The following SEPTIN8 variants were observed in gnomAD, a reference collection of about 807,000 sequenced individuals.
SEPTIN8 encodes septin 8.
Under a neutral mutation model 53.1 loss-of-function variants are expected in SEPTIN8, and 22 were observed. The observed-to-expected ratio is 0.41, with a 90% confidence interval of 0.30 to 0.59. The LOEUF is 0.59. SEPTIN8 is among the 20% of genes least tolerant of loss of function. The pLI is 0.24. For synonymous variants in SEPTIN8, 228 were observed against 248.4 expected, an observed-to-expected ratio of 0.92 and a Z score of 0.77; for missense variants, 536 against 638.7, an observed-to-expected ratio of 0.84 and a Z score of 1.73.
At chr5:132,752,348 C>T (rs1754920881) in intron 9 of SEPTIN8, 167 bp from the exon 10 acceptor site, 5 of 887,600 alleles carry the variant, frequency 5.6e-6, no homozygotes, top group Non-Finnish European at 8.4e-6. Flanking sequence ...CTAGGCTTTC[C>T]ACACTTGGTC....
At chr5:132,754,772 T>C (rs201322475) in intron 9 of SEPTIN8, among the ~76,000 whole-genome samples, 2 of 152,150 alleles carry the variant, frequency 1.3e-5, no homozygotes, top group East Asian at 1.9e-4. Flanking sequence ...AACTCAGAGA[T>C]TGGGAAACAT....
At position 132,764,376 on chromosome 5, in the gene SEPTIN8, G is replaced by C. The variant is rs750406293; in HGVS notation, c.195C>G (p.Phe65Leu). ...IGKSTLMNTLFNTTFETEEAS... is the reference protein window; with the variant it reads ...IGKSTLMNTLLNTTFETEEAS... Reference sequence around the variant, plus strand: ...CTTCCTCAGTCTCGAAGGTCGTGTTGAAGAGTGTGTTCATCAGTGTGGATT... The same window carrying C: ...CTTCCTCAGTCTCGAAGGTCGTGTTCAAGAGTGTGTTCATCAGTGTGGATT... The change falls in exon 3 of 10, where the codon TTC (phenylalanine) becomes TTG (leucine). Residue 65 changes from phenylalanine (F) to leucine (L), a missense_variant. This residue lies in a region of SEPTIN8 where 395 missense variants were observed against 451.8 expected (regional missense o/e 0.87). Transcript: ENST00000378719. The C allele has an allele frequency of 6.2e-7, 1 of 1,614,160 alleles. No individual in the cohort carries two copies. The highest frequency in any genetic ancestry group is 8.5e-7 in the Non-Finnish European group (1 of 1,180,002).
At chr5:132,777,398 G>A (rs1229838455), upstream of SEPTIN8, 1 of 1,010,476 alleles carries the variant, frequency 9.9e-7, no homozygotes, top group Non-Finnish European at 1.2e-6. The surrounding 1 kb of genome is among the most constrained non-coding windows in gnomAD (Gnocchi z 4.1). Context: ...GGGTCTCCGC[G>A]GCGAGGCGGG....
intron 2 of SEPTIN8, among the ~76,000 whole-genome samples, chr5:132,764,648 G>A (rs749491174): frequency 8.5e-5 from 13 of 152,352 alleles, no homozygotes; most frequent in South Asian, 6.2e-4. Context: ...AACTTGGACA[G>A]AAGACATAGC....
In SEPTIN8 at chr5:132,751,005, A is replaced by C; in HGVS notation, c.*1011T>G. 6.2e-7 allele frequency: 1 copy of C among 1,612,248 alleles called. No individual in the cohort carries two copies. The highest frequency in any genetic ancestry group is 1.1e-5 in the South Asian group (1 of 90,460). ...CTGGACTTCTTGACTATAGTGAGTA[A>C]GGAGGTGTTTACAGAGTCTACCCTA... On this transcript the variant is annotated 3_prime_UTR_variant, in exon 10 of 10. Transcript: ENST00000378719.
chr5:132,760,912 C>T lies in SEPTIN8; in HGVS notation c.1176G>A (p.Glu392=), dbSNP rs1734598699. Residue 392 remains glutamate (E), a synonymous_variant, in exon 9 of 10, where the codon GAG becomes GAA. Transcript: ENST00000378719. The surrounding 1 kb of genome is among the most constrained non-coding windows in gnomAD (Gnocchi z 5.2). ...RKVEEKRREL[E]EETNAFNRRK... ...GGCGATTGAAGGCGTTGGTCTCCTC[C>T]TCCAGTTCCCGGCGCTTTTCCTCCA... 2.5e-6 allele frequency: 4 copies of T among 1,608,362 alleles called. No homozygotes were observed. Among genetic ancestry groups the T allele is most frequent in the Non-Finnish European group, 3.4e-6 (4 of 1,178,190 alleles).
rs1755769493 is a variant in SEPTIN8 at position 132,760,308 on chromosome 5, G to A, written c.1286+494C>T. Among the ~76,000 whole-genome samples the A allele has an allele frequency of 6.6e-6, 1 of 152,056 alleles. No individual in the cohort carries two copies. Among genetic ancestry groups the A allele is most frequent in the African/African-American group, 2.4e-5 (1 of 41,408 alleles). On this transcript the variant is annotated intron_variant, in intron 9 of 9. Coordinates refer to ENST00000378719, the MANE Select transcript of SEPTIN8 (RefSeq NM_001098811.2). This position sits in a 1 kb window ranked among gnomAD's most constrained non-coding sequence, Gnocchi z 5.2. The stretch of plus-strand genomic sequence containing the variant: ...CTTTTGGAATCTGGCTGGAGATGCT[G>A]ACATTCCCAGGTCCTGTCCCGCCCC...
At chr5:132,774,600 C>CT (rs1272194517) in intron 1 of SEPTIN8, among the ~76,000 whole-genome samples, 1 of 152,218 alleles carries the variant, frequency 6.6e-6, no homozygotes, top group Non-Finnish European at 1.5e-5. Flanking sequence ...GATGCCAAGG[C>CT]TGTTGGCCTG....
chr5:132,764,578 C>G (rs945564856), intron 2 of SEPTIN8, among the ~76,000 whole-genome samples, 159 bp from the exon 3 acceptor site: 3 of 152,196 alleles, frequency 2.0e-5, no homozygotes, highest in African/African-American at 7.2e-5. Context: ...CCCCATTCCC[C>G]AGGAACTATC....
intron 1 of SEPTIN8, chr5:132,775,861 G>A (rs951596035): frequency 6.6e-6 from 1 of 152,118 alleles, no homozygotes; most frequent in African/African-American, 2.4e-5. Flanking sequence ...CTCTGAATCT[G>A]TTCCTCATGT....
chr5:132,751,328 C>T lies in SEPTIN8; in HGVS notation c.*688G>A, dbSNP rs576639229. 4.3e-6 allele frequency: 1 copy of T among 231,652 alleles called. No individual in the cohort carries two copies. The highest frequency in any genetic ancestry group is 1.0e-4 in the South Asian group (1 of 9,666). The allele number at this position is 231,652 out of a possible 1,614,324, so 14.3% of individuals were successfully genotyped here. On this transcript the variant is annotated 3_prime_UTR_variant, in exon 10 of 10. Coordinates refer to ENST00000378719, the MANE Select transcript of SEPTIN8 (RefSeq NM_001098811.2). ...AATACTGTACATAAATATCTGTCTG[C>T]TTTTGCTACACTTTACACACATTCA...
In SEPTIN8 at chr5:132,760,925, C is replaced by T. The variant is rs761501096; in HGVS notation, c.1163G>A (p.Arg388His). Reference sequence around the variant, plus strand: ...GTTGGTCTCCTCCTCCAGTTCCCGGCGCTTTTCCTCCACCTTGCGCTTCTC... The same window carrying T: ...GTTGGTCTCCTCCTCCAGTTCCCGGTGCTTTTCCTCCACCTTGCGCTTCTC... ...QEEKRKVEEK[R>H]RELEEETNAF... Residue 388 changes from arginine to histidine, a missense_variant, in exon 9 of 10, where the codon CGC becomes CAC. Transcript: ENST00000378719. The surrounding 1 kb of genome is among the most constrained non-coding windows in gnomAD (Gnocchi z 5.2). The T allele has an allele frequency of 5.6e-5, 90 of 1,605,078 alleles. No individual in the cohort carries two copies. Among genetic ancestry groups the T allele is most frequent in the Non-Finnish European group, 5.5e-5 (65 of 1,176,860 alleles).
At position 132,762,578 on chromosome 5, in the gene SEPTIN8, A is replaced by G. The variant is rs375970187; in HGVS notation, c.602T>C (p.Ile201Thr). The change falls in exon 5 of 10, where the codon ATC becomes ACC. Residue 201 changes from isoleucine to threonine, a missense_variant. Ile to Thr is a moderately conservative substitution (Grantham distance 89). Around this residue, in one of 3 missense-constraint regions of SEPTIN8, gnomAD observed 395 missense variants for 451.8 expected, o/e 0.87. Transcript: ENST00000378719. ...ISKSELHKFK[I>T]KIMGELVSNG... ...GCTGACCAACTCGCCCATGATCTTG[A>G]TCTTGAACTTGTGGAGCTCGCTCTT... 127 of 1,614,046 alleles carry G rather than the reference A, an allele frequency of 7.9e-5. No homozygotes were observed. Among genetic ancestry groups the G allele is most frequent in the Non-Finnish European group, 1.0e-4 (118 of 1,180,020 alleles).
chr5:132,761,552 C>G lies in SEPTIN8; in HGVS notation c.868G>C (p.Glu290Gln). Reference sequence around the variant, plus strand: ...TCGTAGTGCCGGCTGTGGGTCTGCTCGCGGAGGTCTTCCATGTTCACCCGG... The same window carrying G: ...TCGTAGTGCCGGCTGTGGGTCTGCTGGCGGAGGTCTTCCATGTTCACCCGG... ...LIRVNMEDLR[E>Q]QTHSRHYELY... The change falls in exon 7 of 10, where the codon GAG (glutamate) becomes CAG (glutamine). Residue 290 changes from glutamate (E) to glutamine (Q), a missense_variant. Glu to Gln is a conservative substitution (Grantham distance 29, BLOSUM62 2). Around this residue, in one of 3 missense-constraint regions of SEPTIN8, gnomAD observed 395 missense variants for 451.8 expected, o/e 0.87. Transcript: ENST00000378719. This position sits in a 1 kb window ranked among gnomAD's most constrained non-coding sequence, Gnocchi z 5.8. 1.9e-6 allele frequency: 3 copies of G among 1,613,972 alleles called. No individual in the cohort carries two copies. The highest frequency in any genetic ancestry group is 2.5e-6 in the Non-Finnish European group (3 of 1,180,008).
In SEPTIN8 at chr5:132,761,837, C is replaced by T. The variant is rs1490650958; in HGVS notation, c.756G>A (p.Leu252=). The change falls in exon 6 of 10, where the codon CTG becomes CTA. Residue 252 remains leucine (L), a synonymous_variant. Coordinates refer to ENST00000378719, the MANE Select transcript of SEPTIN8 (RefSeq NM_001098811.2). This position sits in a 1 kb window ranked among gnomAD's most constrained non-coding sequence, Gnocchi z 5.8. ...CCCAGGGGTACTGCCGTGCTCGGAC[C>T]AGCTTGTTCCCCACCTTCACCTCCT... ...STEEVKVGNK[L]VRARQYPWGV... The T allele has an allele frequency of 6.2e-7, 1 of 1,608,992 alleles. No homozygotes were observed. The highest frequency in any genetic ancestry group is 8.5e-7 in the Non-Finnish European group (1 of 1,177,756).
intron 9 of SEPTIN8, chr5:132,754,457 C>T (rs560635007): frequency 1.4e-6 from 1 of 717,360 alleles, no homozygotes; most frequent in African/African-American, 1.7e-5. Flanking sequence ...TGGAAGACAT[C>T]TGCTGCTTAA....
In SEPTIN8 at chr5:132,776,255, GC is replaced by G. The variant is rs1757780248; in HGVS notation, c.30+852del. Among the ~76,000 whole-genome samples, 1 of 151,818 alleles carries G rather than the reference GC, an allele frequency of 6.6e-6. No individual in the cohort carries two copies. The highest frequency in any genetic ancestry group is 2.4e-5 in the African/African-American group (1 of 41,256). On this transcript the variant is annotated intron_variant, in intron 1 of 9. Transcript: ENST00000378719. The surrounding 1 kb of genome is among the most constrained non-coding windows in gnomAD (Gnocchi z 4.4). ...CAGCTTCCTTCACTGTCACAGCCTA[GC>G]CTCCCAGACACACCCAGATCCAGCC...
chr5:132,769,833 G>A (rs894437041), intron 1 of SEPTIN8, among the ~76,000 whole-genome samples: 1 of 151,138 alleles, frequency 6.6e-6, no homozygotes, highest in African/African-American at 2.4e-5. Flanking sequence ...GGGGAGAGGT[G>A]GGAATGGCAG....
At position 132,776,543 on chromosome 5, in the gene SEPTIN8, C is replaced by T. The variant is rs1383074975; in HGVS notation, c.30+565G>A. 6.6e-6 allele frequency among the ~76,000 whole-genome samples: 1 copy of T among 152,126 alleles called. No homozygotes were observed. The highest frequency in any genetic ancestry group is 1.9e-4 in the East Asian group (1 of 5,186). On this transcript the variant is annotated intron_variant, in intron 1 of 9. Coordinates refer to ENST00000378719, the MANE Select transcript of SEPTIN8 (RefSeq NM_001098811.2). This position sits in a 1 kb window ranked among gnomAD's most constrained non-coding sequence, Gnocchi z 4.4. ...GAGGCCTGACCTGCCTGGAGTCGCA[C>T]CCAGGATTCCGGCGTGGGGAGCGGG...
Sources: allele counts gnomAD v4.1 joint callset (sites outside exome capture counted in the v4.1 genomes callset), GRCh38; gene constraint gnomAD v4.1.1; regional missense constraint gnomAD v4.1.1; non-coding constraint Gnocchi (gnomAD v3.1); transcripts MANE v1.5; gene names NCBI Gene and HGNC (gene_info 2026-07-23, HGNC 2026-07-21).